Variants in GATAD2A observed in about 807,000 individuals in gnomAD.
GATAD2A encodes the protein transcriptional repressor p66-alpha.
A neutral mutation model predicts 68.5 loss-of-function variants in GATAD2A; 12 were observed. The observed-to-expected ratio is 0.18, with a 90% CI of 0.11 to 0.28. The LOEUF is 0.28. Ranked by LOEUF, GATAD2A falls within the 10% of genes least tolerant of loss-of-function variation. The probability of loss-of-function intolerance (pLI) is 1.00; values close to 1 mark genes in which losing one functional copy is unlikely to be tolerated. For missense variants in GATAD2A, 755 were observed against 868.5 expected, an observed-to-expected ratio of 0.87 and a Z score of 1.64; for synonymous variants, 410 against 375.3, an observed-to-expected ratio of 1.09 and a Z score of -1.07.
At chr19:19,391,803 T>C (rs2048861030) in intron 1 of GATAD2A, among the ~76,000 whole-genome samples, 2 of 152,326 alleles carry the variant, frequency 1.3e-5, no homozygotes, top group African/African-American at 4.8e-5. Flanking sequence ...CTCTGGACGA[T>C]AAAAACTGTT....
chr19:19,487,780 G>C (rs557225423), intron 2 of GATAD2A, among the ~76,000 whole-genome samples: 2 of 152,290 alleles, frequency 1.3e-5, no homozygotes, highest in South Asian at 4.1e-4. Context: ...GTTCATGTCA[G>C]GTAGGGCCTG....
chr19:19,484,679 G>A (rs1362574560), intron 2 of GATAD2A, among the ~76,000 whole-genome samples: 13 of 151,648 alleles, frequency 8.6e-5, no homozygotes, highest in East Asian at 7.7e-4. Flanking sequence ...GACTACAGGC[G>A]CCCGCCACCT....
chr19:19,411,697 A>T (rs1362065703), intron 1 of GATAD2A, among the ~76,000 whole-genome samples: 2 of 152,168 alleles, frequency 1.3e-5, no homozygotes, highest in Non-Finnish European at 2.9e-5. Flanking sequence ...TGGCGGAGAC[A>T]GCATCTTTGA....
intron 1 of GATAD2A, among the ~76,000 whole-genome samples, chr19:19,459,751 A>G (rs1600185183): frequency 6.6e-6 from 1 of 151,978 alleles, no homozygotes; most frequent in Non-Finnish European, 1.5e-5. Context: ...TGATTGACAG[A>G]CCTCTCCCCT....
At chr19:19,469,375 TGAGCCAAGATC>T (rs1350626773) in intron 2 of GATAD2A, among the ~76,000 whole-genome samples, 2 of 144,814 alleles carry the variant, frequency 1.4e-5, no homozygotes, top group Non-Finnish European at 3.0e-5. Flanking sequence ...GAGCTTGCAG[TGAGCCAAGATC>T]GCGCCACTGC....
At chr19:19,483,621 G>GTT (rs371440161) in intron 2 of GATAD2A, among the ~76,000 whole-genome samples, 1 of 147,520 alleles carries the variant, frequency 6.8e-6, no homozygotes, top group African/African-American at 2.5e-5. Flanking sequence ...GTTCTTCAGT[G>GTT]TTTTTTTTTT....
chr19:19,493,703 T>C (rs988224271), intron 4 of GATAD2A, among the ~76,000 whole-genome samples: 2 of 152,126 alleles, frequency 1.3e-5, no homozygotes, highest in African/African-American at 4.8e-5. Context: ...GCTTGGGGTT[T>C]GTTTTTTGAA....
intron 7 of GATAD2A, 28 bp downstream of exon 7, chr19:19,496,247 G>A (rs1274583076): frequency 2.5e-6 from 4 of 1,598,974 alleles, no homozygotes; most frequent in African/African-American, 1.3e-5. Flanking sequence ...CTGTGCCAGG[G>A]AGAGTGTGTG....
chr19:19,504,913 G>A (rs2060786013), intron 11 of GATAD2A, among the ~76,000 whole-genome samples: 1 of 152,144 alleles, frequency 6.6e-6, no homozygotes, highest in Admixed American at 6.5e-5. Flanking sequence ...TCAAAGTGCT[G>A]GGATTCTAGG....
chr19:19,496,431 C>A (rs1270566870), intron 7 of GATAD2A, among the ~76,000 whole-genome samples: 1 of 152,196 alleles, frequency 6.6e-6, no homozygotes, highest in South Asian at 2.1e-4. Flanking sequence ...GGCAGACTTG[C>A]TATCCAGCAC....
chr19:19,452,054 G>A (rs1344527909), intron 1 of GATAD2A, among the ~76,000 whole-genome samples: 1 of 152,200 alleles, frequency 6.6e-6, no homozygotes, highest in Non-Finnish European at 1.5e-5. Flanking sequence ...TAGGAGGAGG[G>A]GATGAAAACT....
chr19:19,481,486 A>G (rs1252929741), intron 2 of GATAD2A, among the ~76,000 whole-genome samples: 2 of 152,142 alleles, frequency 1.3e-5, no homozygotes, highest in African/African-American at 2.4e-5. Context: ...GCTTGCCACC[A>G]TGCCCAGCTT....
chr19:19,424,757 G>A (rs1204437440), intron 1 of GATAD2A, among the ~76,000 whole-genome samples: 3 of 152,174 alleles, frequency 2.0e-5, no homozygotes, highest in African/African-American at 7.2e-5. Context: ...CATTGGTGAA[G>A]GAAGCATCCT....
chr19:19,465,679 G>A (rs1274625334), intron 2 of GATAD2A, 65 bp downstream of exon 2: 2 of 1,528,106 alleles, frequency 1.3e-6, no homozygotes, highest in Non-Finnish European at 1.8e-6. Context: ...CCCAGGTTGG[G>A]GCTGGCCACA....
At chr19:19,436,307 T>G in intron 1 of GATAD2A, 4 of 668,192 alleles carry the variant, frequency 6.0e-6, no homozygotes, top group South Asian at 5.6e-5. Flanking sequence ...TTAAAGTGAG[T>G]GCTGCTTCAG....
rs537349399 is a variant in GATAD2A, at chr19:19,493,456, G to C, written c.534+744G>C. 3.3e-5 allele frequency among the ~76,000 whole-genome samples: 5 copies of C among 152,362 alleles called. 1 individual carries two copies. In the South Asian group the frequency reaches 1.0e-3, roughly 32 times the overall value. ...GCTCCCGTGGATCTCAGCCCCAACTGTCGGGAGGGTCCTGCTTCTGTTTCT... is the reference window on the plus strand; with the variant it reads ...GCTCCCGTGGATCTCAGCCCCAACTCTCGGGAGGGTCCTGCTTCTGTTTCT... On this transcript the variant is annotated intron_variant, in intron 4 of 11. Transcript: ENST00000683918.
chr19:19,462,235 G>T (rs568738811), intron 1 of GATAD2A, among the ~76,000 whole-genome samples: 2 of 152,342 alleles, frequency 1.3e-5, no homozygotes, highest in Middle Eastern at 3.4e-3. Flanking sequence ...CACTAGTCCC[G>T]CTTGCTTCGA....
intron 2 of GATAD2A, among the ~76,000 whole-genome samples, chr19:19,480,144 C>T (rs181257065): frequency 6.6e-6 from 1 of 152,290 alleles, no homozygotes; most frequent in East Asian, 1.9e-4. Flanking sequence ...TCATGCTCAC[C>T]TCTTCAAAGG....
chr19:19,448,557 C>T (rs1471117117), intron 1 of GATAD2A, among the ~76,000 whole-genome samples: 2 of 152,162 alleles, frequency 1.3e-5, no homozygotes, highest in African/African-American at 2.4e-5. Context: ...GGCACAATCT[C>T]GGCCCACTGC....
Sources: allele counts gnomAD v4.1 joint callset (sites outside exome capture counted in the v4.1 genomes callset), GRCh38; gene constraint gnomAD v4.1.1; transcripts MANE v1.5; gene names NCBI Gene and HGNC (gene_info 2026-07-23, HGNC 2026-07-21).